The following JMJD1C variants were observed in gnomAD, a reference collection of about 807,000 sequenced individuals.
The protein encoded by JMJD1C is jumonji domain containing 1C, also known as jumonji domain-containing protein 1C.
JMJD1C carries 31 observed loss-of-function variants against 245.3 expected under a neutral mutation model. The ratio of observed to expected loss-of-function variants is 0.13; its 90% CI spans 0.09 to 0.17. JMJD1C has a LOEUF of 0.17. Among genes scored for constraint, JMJD1C ranks in the 10% least tolerant of loss-of-function variants. JMJD1C has a pLI of 1.00. For synonymous variants in JMJD1C, 1,057 were observed against 1,017.4 expected, an observed-to-expected ratio of 1.04 and a Z score of -0.74; for missense variants, 2,691 against 3,000.2, an observed-to-expected ratio of 0.90 and a Z score of 2.41.
chr10:63,179,105 G>A lies in JMJD1C; in HGVS notation c.7085-1249C>T, dbSNP rs560526632. Among the ~76,000 whole-genome samples, 143 of 152,144 alleles carry A rather than the reference G, an allele frequency of 9.4e-4. 1 individual carries two copies. Among genetic ancestry groups the A allele is most frequent in the African/African-American group, 3.1e-3 (130 of 41,496 alleles). On this transcript the variant is annotated intron_variant, in intron 22 of 25. Coordinates refer to ENST00000399262, the MANE Select transcript of JMJD1C (RefSeq NM_032776.3). The stretch of plus-strand genomic sequence containing the variant: ...GGAATCAACTTAAGTGTCCATCCAC[G>A]GATGACTGGATAAAGAAAATGTGTG...
chr10:63,233,454 A>T (rs1010133583), intron 3 of JMJD1C, among the ~76,000 whole-genome samples: 113 of 152,234 alleles, frequency 7.4e-4, no homozygotes, highest in African/African-American at 2.4e-3. Flanking sequence ...ACAAATCTCA[A>T]ATTATAATCA....
intron 2 of JMJD1C, among the ~76,000 whole-genome samples, chr10:63,376,830 A>G (rs1946780975): frequency 6.6e-6 from 1 of 152,216 alleles, no homozygotes; most frequent in South Asian, 2.1e-4. Flanking sequence ...GGTGGAAATG[A>G]AAAATGGTGC....
At chr10:63,387,262 A>C (rs1435857523) in intron 1 of JMJD1C, among the ~76,000 whole-genome samples, 2 of 152,200 alleles carry the variant, frequency 1.3e-5, no homozygotes, top group African/African-American at 4.8e-5. Context: ...AGAAACAAGA[A>C]GAAGCAAGAA....
intron 2 of JMJD1C, among the ~76,000 whole-genome samples, chr10:63,330,122 G>A (rs1156351821): frequency 1.3e-5 from 2 of 151,890 alleles, no homozygotes; most frequent in African/African-American, 2.4e-5. Flanking sequence ...GGCTGGTCTC[G>A]AACTCCTGAC....
chr10:63,177,949 G>T, intron 22 of JMJD1C, 93 bp from the exon 23 acceptor site: 2 of 1,319,550 alleles, frequency 1.5e-6, no homozygotes, highest in Non-Finnish European at 2.1e-6. Flanking sequence ...CAGAGTGCCT[G>T]ACTAGGATCA....
At chr10:63,301,449 T>C (rs1860064591) in intron 2 of JMJD1C, among the ~76,000 whole-genome samples, 1 of 152,242 alleles carries the variant, frequency 6.6e-6, no homozygotes, top group African/African-American at 2.4e-5. Flanking sequence ...CATTCTTATG[T>C]TTTCTTCCAG....
In JMJD1C at chr10:63,209,147, G is replaced by T; in HGVS notation, c.2783C>A (p.Ser928Tyr). 6.2e-7 allele frequency: 1 copy of T among 1,613,982 alleles called. No homozygotes were observed. The highest frequency in any genetic ancestry group is 1.1e-5 in the South Asian group (1 of 91,080). ...AAGAGGCCGATGAGGCTCTGCACTG[G>T]AAGGTCTGACAGGAATGTGACTAAG... ...GLLSHIPVRP[S>Y]SAEPHRPLKI... The change falls in exon 9 of 26, where the codon TCC becomes TAC. Residue 928 changes from serine (S) to tyrosine (Y), a missense_variant. By Grantham distance (144) the Ser-to-Tyr change is moderately radical (BLOSUM62 -2). This residue lies in a region of JMJD1C where 1,562 missense variants were observed against 1,490.7 expected (regional missense o/e 1.05). Transcript: ENST00000399262.
chr10:63,274,509 G>A (rs1335958674), intron 2 of JMJD1C, among the ~76,000 whole-genome samples: 1 of 151,988 alleles, frequency 6.6e-6, no homozygotes, highest in African/African-American at 2.4e-5. Flanking sequence ...AGGTTGCAGG[G>A]AGCTGAGATT....
chr10:63,275,479 G>A (rs567543450), intron 2 of JMJD1C, among the ~76,000 whole-genome samples: 25 of 152,180 alleles, frequency 1.6e-4, no homozygotes, highest in African/African-American at 5.8e-4. Context: ...GGATTAGGAG[G>A]AAAAATCAAT....
chr10:63,359,610 T>C (rs921604296), intron 2 of JMJD1C, among the ~76,000 whole-genome samples: 3 of 152,204 alleles, frequency 2.0e-5, no homozygotes, highest in Non-Finnish European at 2.9e-5. Context: ...ATGATAGGAA[T>C]TTTGTGGTCT....
intron 2 of JMJD1C, among the ~76,000 whole-genome samples, chr10:63,338,584 T>TTAGCCAC (rs1266537693): frequency 2.0e-5 from 3 of 151,982 alleles, no homozygotes; most frequent in Non-Finnish European, 1.5e-5. Flanking sequence ...ACATGCTACA[T>TTAGCCAC]TAGCCACTAC....
intron 19 of JMJD1C, 82 bp downstream of exon 19, chr10:63,186,133 T>G: frequency 1.8e-6 from 2 of 1,114,414 alleles, no homozygotes; most frequent in African/African-American, 1.6e-5. Context: ...TTTCAAAGAC[T>G]AAAAATCTGT....
chr10:63,406,225 A>T (rs1348356799), intron 1 of JMJD1C, among the ~76,000 whole-genome samples: 2 of 152,186 alleles, frequency 1.3e-5, no homozygotes, highest in Non-Finnish European at 1.5e-5. Flanking sequence ...AATGAAGAGC[A>T]AATAAGAAGA....
intron 11 of JMJD1C, among the ~76,000 whole-genome samples, chr10:63,199,815 T>C (rs1183641162): frequency 6.6e-6 from 1 of 151,896 alleles, no homozygotes. Context: ...TTCAGCAGAG[T>C]AAAGTGTCTC....
At chr10:63,241,545 T>C (rs1851485395) in intron 3 of JMJD1C, among the ~76,000 whole-genome samples, 1 of 152,132 alleles carries the variant, frequency 6.6e-6, no homozygotes, top group Non-Finnish European at 1.5e-5. Flanking sequence ...AAAAATAAAG[T>C]CTTTATAATA....
rs567659036 is a variant in JMJD1C at position 63,380,191 on chromosome 10, G to A, written c.333+127C>T. ...ACTCCTGGCTTCAAGCAATTGTCCT[G>A]CTTCAGCCTCTCAAAGTGCTAGTTT... On this transcript the variant is annotated intron_variant, in intron 2 of 25. Coordinates refer to ENST00000399262, the MANE Select transcript of JMJD1C (RefSeq NM_032776.3). 2.7e-5 allele frequency: 25 copies of A among 913,314 alleles called. No homozygotes were observed. The Middle Eastern group carries it at 1.1e-3, about 41-fold the overall frequency. The allele number at this position is 913,314 out of a possible 1,614,324, so 56.6% of individuals were successfully genotyped here.
intron 1 of JMJD1C, among the ~76,000 whole-genome samples, chr10:63,458,958 G>C (rs1312157049): frequency 2.0e-5 from 3 of 152,142 alleles, no homozygotes; most frequent in African/African-American, 4.8e-5. Flanking sequence ...CTGAGCTCAA[G>C]TGATCTCCCT....
rs180806681 is a variant in JMJD1C at position 63,343,820 on chromosome 10, T to C, written c.333+36498A>G. On this transcript the variant is annotated intron_variant, in intron 2 of 25. Coordinates refer to ENST00000399262, the MANE Select transcript of JMJD1C (RefSeq NM_032776.3). ...TGGGAGGCTGAGGTGGGTAGATCAC[T>C]GGAGCTCAGCAGTTCAAGACCGGCC... Among the ~76,000 whole-genome samples, 10 of 152,206 alleles carry C rather than the reference T, an allele frequency of 6.6e-5. No individual in the cohort carries two copies. The East Asian group carries it at 1.9e-3, about 29-fold the overall frequency.
intron 1 of JMJD1C, among the ~76,000 whole-genome samples, chr10:63,451,889 G>GT (rs1952093570): frequency 6.6e-6 from 1 of 152,284 alleles, no homozygotes; most frequent in East Asian, 1.9e-4. Flanking sequence ...ATTAACAGAT[G>GT]TAAGAAAATA....
Sources: allele counts gnomAD v4.1 joint callset (sites outside exome capture counted in the v4.1 genomes callset), GRCh38; gene constraint gnomAD v4.1.1; regional missense constraint gnomAD v4.1.1; transcripts MANE v1.5; gene names NCBI Gene and HGNC (gene_info 2026-07-23, HGNC 2026-07-21).